Variants in CTNNA3 observed in about 807,000 individuals in gnomAD.
The protein encoded by CTNNA3 is catenin alpha 3, also known as catenin alpha-3.
A neutral mutation model predicts 95.7 loss-of-function variants in CTNNA3; 76 were observed. The ratio of observed to expected loss-of-function variants is 0.79; its 90% CI spans 0.66 to 0.96. The LOEUF (loss-of-function observed/expected upper bound fraction) is 0.96. CTNNA3 is among the 40% of genes least tolerant of loss of function. The probability of loss-of-function intolerance (pLI) is 0.00; values close to 1 mark genes in which losing one functional copy is unlikely to be tolerated. For synonymous variants in CTNNA3, 431 were observed against 374.4 expected (o/e 1.15, Z -1.74); for missense variants, 1,191 against 1,089.8 (o/e 1.09, Z -1.31).
chr10:67,373,884 C>G (rs1485088802), intron 5 of CTNNA3, among the ~76,000 whole-genome samples: 1 of 152,116 alleles, frequency 6.6e-6, no homozygotes, highest in African/African-American at 2.4e-5. Flanking sequence ...TATAATTTTT[C>G]TGATCTGTTT....
chr10:67,713,258 G>A (rs1276975735), intron 1 of CTNNA3, among the ~76,000 whole-genome samples: 2 of 152,208 alleles, frequency 1.3e-5, no homozygotes, highest in Admixed American at 6.5e-5. Context: ...CAGTTAGAGT[G>A]GCCATCATTA....
intron 5 of CTNNA3, among the ~76,000 whole-genome samples, chr10:67,307,716 G>A (rs1313735468): frequency 6.6e-6 from 1 of 152,110 alleles, no homozygotes; most frequent in African/African-American, 2.4e-5. Flanking sequence ...AAGACTGAGT[G>A]TACAACCTAT....
chr10:66,199,782 TATATATATATATATATATATATA>T (rs1203878623), intron 13 of CTNNA3, among the ~76,000 whole-genome samples: 854 of 12,570 alleles, frequency 0.068, 27 homozygotes, highest in South Asian at 0.18. Context: ...TATATATATA[TATATATATATATATATATATATA>T]TTTTTTTTTT....
intron 7 of CTNNA3, among the ~76,000 whole-genome samples, chr10:66,865,726 C>T (rs112156387): frequency 6.6e-5 from 10 of 151,650 alleles, no homozygotes; most frequent in African/African-American, 2.4e-4. Flanking sequence ...TTGATTTTAA[C>T]AATATTTATT....
At chr10:66,394,275 G>A (rs556527269) in intron 11 of CTNNA3, among the ~76,000 whole-genome samples, 3 of 132,760 alleles carry the variant, frequency 2.3e-5, no homozygotes, top group South Asian at 5.1e-4. Context: ...CAGGAAGGTG[G>A]CCATAGAAGA....
At chr10:66,694,081 A>G (rs1461051906) in intron 9 of CTNNA3, among the ~76,000 whole-genome samples, 1 of 152,140 alleles carries the variant, frequency 6.6e-6, no homozygotes, top group Non-Finnish European at 1.5e-5. Flanking sequence ...CACATTCAAA[A>G]GCTAGCAGAA....
chr10:66,775,438 C>T lies in CTNNA3; in HGVS notation c.1128+6G>A, dbSNP rs774973176. ...TTTCTGACTCCATATCTCTCTCTTCCCTCACCTGTCTGCGAAGGTCTCTTG... is the reference window on the plus strand; with the variant it reads ...TTTCTGACTCCATATCTCTCTCTTCTCTCACCTGTCTGCGAAGGTCTCTTG... On this transcript the variant is annotated splice_donor_region_variant and intron_variant, in intron 8 of 17. Coordinates refer to ENST00000433211, the MANE Select transcript of CTNNA3 (RefSeq NM_013266.4). The T allele has an allele frequency of 6.3e-7, 1 of 1,598,110 alleles. No homozygotes were observed. Among genetic ancestry groups the T allele is most frequent in the East Asian group, 2.2e-5 (1 of 44,604 alleles).
chr10:67,523,748 C>T (rs1840055445), intron 4 of CTNNA3, among the ~76,000 whole-genome samples: 1 of 152,126 alleles, frequency 6.6e-6, no homozygotes, highest in Admixed American at 6.6e-5. Flanking sequence ...CATTTTCCCC[C>T]ACTTATAACA....
chr10:66,000,290 T>G (rs2078745649), intron 15 of CTNNA3, among the ~76,000 whole-genome samples: 1 of 148,924 alleles, frequency 6.7e-6, no homozygotes. Context: ...CCTCATCTCA[T>G]TTCTGGCATT....
chr10:67,123,322 C>G (rs779390813), intron 7 of CTNNA3, among the ~76,000 whole-genome samples: 1 of 152,022 alleles, frequency 6.6e-6, no homozygotes, highest in Non-Finnish European at 1.5e-5. Flanking sequence ...GTATGCTAGT[C>G]CTGGAAAAAA....
chr10:67,359,716 G>C (rs192388320), intron 5 of CTNNA3, among the ~76,000 whole-genome samples: 1 of 152,206 alleles, frequency 6.6e-6, no homozygotes, highest in East Asian at 1.9e-4. Context: ...ATTATGTAGA[G>C]ACCAAATCTA....
chr10:66,174,489 A>G (rs1211103130), intron 13 of CTNNA3, among the ~76,000 whole-genome samples: 1 of 152,172 alleles, frequency 6.6e-6, no homozygotes, highest in East Asian at 1.9e-4. Context: ...GAAGGTATGT[A>G]CAATTATATT....
intron 7 of CTNNA3, among the ~76,000 whole-genome samples, chr10:67,081,236 T>C (rs1277348493): frequency 1.3e-5 from 2 of 152,180 alleles, no homozygotes; most frequent in East Asian, 3.9e-4. Context: ...GCAGGGCATT[T>C]AAAATGCTTA....
chr10:66,914,459 C>T lies in CTNNA3; in HGVS notation c.1048-138935G>A, dbSNP rs552706973. Among the ~76,000 whole-genome samples, 195 of 151,360 alleles carry T rather than the reference C, an allele frequency of 1.3e-3. 2 individuals are homozygous for T. The highest frequency in any genetic ancestry group is 4.4e-3 in the African/African-American group (183 of 41,232). ...CAGAAGAATCTTAACCGTAGAGAAA[C>T]GCCTCCAACATGAAATGGGCCAACA... On this transcript the variant is annotated intron_variant, in intron 7 of 17. Transcript: ENST00000433211.
intron 11 of CTNNA3, among the ~76,000 whole-genome samples, chr10:66,479,168 C>A (rs919638744): frequency 1.3e-5 from 2 of 151,904 alleles, no homozygotes; most frequent in Non-Finnish European, 2.9e-5. Context: ...CTCATAAGAA[C>A]CACCTCTATT....
At chr10:66,508,125 C>A (rs1402580628) in intron 11 of CTNNA3, among the ~76,000 whole-genome samples, 1 of 149,360 alleles carries the variant, frequency 6.7e-6, no homozygotes, top group Non-Finnish European at 1.5e-5. Context: ...TAAATTCTTA[C>A]AATCTGATCC....
chr10:66,126,279 G>A (rs549526309), intron 13 of CTNNA3, among the ~76,000 whole-genome samples: 7 of 152,280 alleles, frequency 4.6e-5, no homozygotes, highest in Middle Eastern at 6.8e-3. Flanking sequence ...AAACAGTTAG[G>A]TAAACAAATG....
At chr10:66,685,338 T>TATATATATAC (rs1847245079) in intron 9 of CTNNA3, among the ~76,000 whole-genome samples, 1 of 86,392 alleles carries the variant, frequency 1.2e-5, no homozygotes, top group African/African-American at 5.3e-5. Context: ...TATATATATA[T>TATATATATAC]ATATATATAT....
chr10:67,224,206 C>T (rs898365565), intron 5 of CTNNA3, among the ~76,000 whole-genome samples: 4 of 152,180 alleles, frequency 2.6e-5, no homozygotes, highest in Non-Finnish European at 5.9e-5. Context: ...ACTTACTCAT[C>T]TTATAATTGA....
Sources: allele counts gnomAD v4.1 joint callset (sites outside exome capture counted in the v4.1 genomes callset), GRCh38; gene constraint gnomAD v4.1.1; transcripts MANE v1.5; gene names NCBI Gene and HGNC (gene_info 2026-07-23, HGNC 2026-07-21).